The following MAD1L1 variants were observed in gnomAD, a reference collection of about 807,000 sequenced individuals.
The protein encoded by MAD1L1 is mitotic arrest deficient 1 like 1.
MAD1L1 carries 95 observed loss-of-function variants against 96.9 expected under a neutral mutation model. The ratio of observed to expected loss-of-function variants is 0.98; its 90% CI spans 0.83 to 1.16. MAD1L1 has a LOEUF of 1.16. Ranked by LOEUF, MAD1L1 falls within the 50% of genes most tolerant of loss-of-function variation. The pLI is 0.00. For synonymous variants in MAD1L1, 473 were observed against 396.6 expected (o/e 1.19, Z -2.29); for missense variants, 1,007 against 954.4 (o/e 1.06, Z -0.73).
At chr7:2,192,412 G>A (rs1340741982) in intron 10 of MAD1L1, among the ~76,000 whole-genome samples, 5 of 152,174 alleles carry the variant, frequency 3.3e-5, no homozygotes, top group Non-Finnish European at 5.9e-5. Flanking sequence ...GATAACAGGC[G>A]TGAGCCACCA....
chr7:2,117,956 C>A (rs1787794523), intron 11 of MAD1L1, among the ~76,000 whole-genome samples: 1 of 152,172 alleles, frequency 6.6e-6, no homozygotes, highest in South Asian at 2.1e-4. Flanking sequence ...ATCCCTGGCC[C>A]CAGTCCCTTG....
At chr7:1,857,965 G>A (rs1784339391) in intron 18 of MAD1L1, among the ~76,000 whole-genome samples, 1 of 152,234 alleles carries the variant, frequency 6.6e-6, no homozygotes, top group African/African-American at 2.4e-5. Flanking sequence ...CGAGTCCCTT[G>A]GCTGTGGCCC....
intron 12 of MAD1L1, among the ~76,000 whole-genome samples, chr7:2,059,516 A>T (rs1784541269): frequency 7.0e-6 from 1 of 143,394 alleles, no homozygotes; most frequent in South Asian, 2.3e-4. Flanking sequence ...GCGGGGCTGG[A>T]AAGGGAGCAT....
At chr7:1,863,822 C>T (rs1242501738) in intron 18 of MAD1L1, among the ~76,000 whole-genome samples, 3 of 152,146 alleles carry the variant, frequency 2.0e-5, no homozygotes, top group African/African-American at 7.2e-5. Flanking sequence ...GGCGCGGTGG[C>T]TCCTGCCTGT....
At chr7:1,817,758 G>GC (rs1327102184) in intron 18 of MAD1L1, among the ~76,000 whole-genome samples, 37 of 152,192 alleles carry the variant, frequency 2.4e-4, no homozygotes, top group African/African-American at 8.7e-4. Flanking sequence ...CGCTCCCTCC[G>GC]CCCGGCAGCC....
chr7:2,023,546 TATAGC>T (rs1310102475), intron 12 of MAD1L1, among the ~76,000 whole-genome samples: 1 of 152,210 alleles, frequency 6.6e-6, no homozygotes, highest in Admixed American at 6.5e-5. Flanking sequence ...GAGGAAAATT[TATAGC>T]ATTGAATGTA....
chr7:1,902,632 C>G (rs904224310), intron 17 of MAD1L1, among the ~76,000 whole-genome samples: 2 of 152,162 alleles, frequency 1.3e-5, no homozygotes, highest in Admixed American at 1.3e-4. Context: ...GAGCTATACC[C>G]ACGCAGAACC....
chr7:2,189,937 G>A (rs748541785), intron 10 of MAD1L1, among the ~76,000 whole-genome samples: 75 of 152,194 alleles, frequency 4.9e-4, no homozygotes, highest in Non-Finnish European at 4.9e-4. Context: ...GGCTGACAAG[G>A]CCAGGACAGC....
intron 15 of MAD1L1, among the ~76,000 whole-genome samples, chr7:1,960,014 A>G (rs1186829920): frequency 6.6e-6 from 1 of 152,212 alleles, no homozygotes; most frequent in African/African-American, 2.4e-5. Flanking sequence ...AATAAATAAA[A>G]TGTATGACAA....
At chr7:1,964,049 G>A (rs1780059557) in intron 15 of MAD1L1, among the ~76,000 whole-genome samples, 1 of 152,218 alleles carries the variant, frequency 6.6e-6, no homozygotes, top group Non-Finnish European at 1.5e-5. Flanking sequence ...AGGGGAGACT[G>A]AGGCTCAGAA....
intron 11 of MAD1L1, among the ~76,000 whole-genome samples, chr7:2,096,092 C>T (rs566491644): frequency 6.3e-4 from 96 of 152,190 alleles, no homozygotes; most frequent in African/African-American, 2.1e-3. Context: ...GCAAGGCCGG[C>T]GGCCAAGGTG....
chr7:1,910,966 C>A (rs572431683), intron 17 of MAD1L1, among the ~76,000 whole-genome samples: 1 of 152,212 alleles, frequency 6.6e-6, no homozygotes, highest in Non-Finnish European at 1.5e-5. Context: ...CATCCCGTGA[C>A]CGGAGGCCCT....
chr7:1,904,101 C>T (rs374146057), intron 17 of MAD1L1, among the ~76,000 whole-genome samples: 2,626 of 115,176 alleles, frequency 0.023, 1 homozygote, highest in African/African-American at 0.092. Context: ...GACGCTCTTG[C>T]GGAACTCAAG....
intron 18 of MAD1L1, among the ~76,000 whole-genome samples, chr7:1,828,233 C>G (rs1463711084): frequency 6.6e-6 from 1 of 152,054 alleles, no homozygotes; most frequent in African/African-American, 2.4e-5. Context: ...TGTGAAACAA[C>G]AGTTTTCAGT....
At chr7:2,015,508 C>T (rs189762615) in intron 12 of MAD1L1, among the ~76,000 whole-genome samples, 130 of 152,310 alleles carry the variant, frequency 8.5e-4, no homozygotes, top group African/African-American at 2.3e-3. Flanking sequence ...GCCCATGGGT[C>T]GGGAACTGAG....
chr7:2,103,013 G>A lies in MAD1L1; in HGVS notation c.1074-33675C>T, dbSNP rs78965292. Among the ~76,000 whole-genome samples, 1,621 of 152,328 alleles carry A rather than the reference G, an allele frequency of 0.011. 23 individuals are homozygous for A. Among genetic ancestry groups the A allele is most frequent in the African/African-American group, 0.037 (1,553 of 41,568 alleles). ...AGGACATCAGCTCCACAACTCAGAG[G>A]AGGCAGCCTCCGTGATGCTGCCAAC... On this transcript the variant is annotated intron_variant, in intron 11 of 18. Coordinates refer to ENST00000265854, the MANE Select transcript of MAD1L1 (RefSeq NM_001013836.2). This position sits in a 1 kb window ranked among gnomAD's most constrained non-coding sequence, Gnocchi z 4.3.
chr7:2,127,291 C>T (rs1313421503), intron 11 of MAD1L1, among the ~76,000 whole-genome samples: 1 of 152,124 alleles, frequency 6.6e-6, no homozygotes, highest in Non-Finnish European at 1.5e-5. Flanking sequence ...ATCAGAGGGG[C>T]ACAAAGGAGC....
At chr7:2,215,095 C>G (rs750326206) in intron 9 of MAD1L1, among the ~76,000 whole-genome samples, 3 of 152,002 alleles carry the variant, frequency 2.0e-5, no homozygotes, top group Non-Finnish European at 4.4e-5. Flanking sequence ...TTTAAAAAGC[C>G]TGGCCGGGCA....
At chr7:1,838,497 C>G (rs1783053563) in intron 18 of MAD1L1, 1 of 319,422 alleles carries the variant, frequency 3.1e-6, no homozygotes, top group African/African-American at 2.2e-5. Flanking sequence ...TATGATTCAT[C>G]AGTAACAAAT....
Sources: gnomAD v4.1 joint callset for allele counts (sites outside exome capture counted in the v4.1 genomes callset) on GRCh38, gnomAD v4.1.1 for gene constraint, Gnocchi (gnomAD v3.1) non-coding constraint, MANE v1.5 for transcripts, NCBI Gene and HGNC (gene_info 2026-07-23, HGNC 2026-07-21) for gene names.